The following EVC2 variants were observed in gnomAD, a reference collection of about 807,000 sequenced individuals.
EVC2 encodes the protein EvC ciliary complex subunit 2.
In EVC2, 148 loss-of-function variants were observed where a neutral mutation model predicts 149.3. The observed-to-expected ratio is 0.99, with a 90% confidence interval of 0.87 to 1.14. The LOEUF is 1.14. EVC2 is among the 50% of genes most tolerant of loss of function. EVC2 has a pLI of 0.00. For synonymous variants in EVC2, 776 were observed against 649.9 expected (o/e 1.19, Z -2.95); for missense variants, 1,854 against 1,627.3 (o/e 1.14, Z -2.40).
At chr4:5,560,277 T>C (rs576468070), downstream of EVC2, among the ~76,000 whole-genome samples, 13 of 152,128 alleles carry the variant, frequency 8.5e-5, no homozygotes, top group African/African-American at 2.7e-4. The surrounding 1 kb of genome is among the most constrained non-coding windows in gnomAD (Gnocchi z 4.1). Flanking sequence ...GCAAAAGGAA[T>C]GAAAGAACAC....
intron 13 of EVC2, among the ~76,000 whole-genome samples, chr4:5,623,365 G>A (rs1715872193): frequency 6.7e-6 from 1 of 148,208 alleles, no homozygotes; most frequent in African/African-American, 2.5e-5. Flanking sequence ...TTTGAGACAG[G>A]GTCTCCTTCT....
intron 7 of EVC2, among the ~76,000 whole-genome samples, chr4:5,674,038 G>A (rs912998876): frequency 7.2e-6 from 1 of 139,286 alleles, no homozygotes; most frequent in Non-Finnish European, 1.5e-5. Context: ...GAGATGAGAC[G>A]AATGTTTCCT....
At chr4:5,610,110 A>T (rs1714699456) in intron 16 of EVC2, among the ~76,000 whole-genome samples, 1 of 152,180 alleles carries the variant, frequency 6.6e-6, no homozygotes. Flanking sequence ...CTTCTGTTAC[A>T]GGCTGTGTGA....
chr4:5,598,656 T>A (rs1048925536), intron 16 of EVC2, among the ~76,000 whole-genome samples: 181 of 152,254 alleles, frequency 1.2e-3, no homozygotes, highest in Admixed American at 1.9e-3. Flanking sequence ...GACATAGGCA[T>A]GGGCAAGGAC....
Position 5,567,239 on chromosome 4 carries a change from C to T in EVC2, c.3557+1205G>A, listed in dbSNP as rs1722340909. 1.3e-5 allele frequency among the ~76,000 whole-genome samples: 2 copies of T among 152,144 alleles called. No individual in the cohort carries two copies. The highest frequency in any genetic ancestry group is 2.1e-4 in the South Asian group (1 of 4,828). On this transcript the variant is annotated intron_variant, in intron 20 of 21. Transcript: ENST00000344408. The surrounding 1 kb of genome is among the most constrained non-coding windows in gnomAD (Gnocchi z 4.4). ...CCCCAAGGCCACTAGGAAGGCTCTTCGACACTGTGGCCTCCTGCCCACACC... is the reference window on the plus strand; with the variant it reads ...CCCCAAGGCCACTAGGAAGGCTCTTTGACACTGTGGCCTCCTGCCCACACC...
intron 16 of EVC2, among the ~76,000 whole-genome samples, chr4:5,611,326 C>G (rs192610282): frequency 2.0e-5 from 3 of 152,080 alleles, no homozygotes; most frequent in Non-Finnish European, 2.9e-5. Flanking sequence ...GAGATTCACG[C>G]TCATGAAGAG....
intron 7 of EVC2, among the ~76,000 whole-genome samples, chr4:5,678,778 C>T (rs1189101008): frequency 6.6e-6 from 1 of 152,134 alleles, no homozygotes; most frequent in Non-Finnish European, 1.5e-5. Context: ...AGCCTGTAAT[C>T]CCAGCACTTT....
chr4:5,544,726 G>T (rs780205721), intron 21 of EVC2, among the ~76,000 whole-genome samples: 1 of 152,202 alleles, frequency 6.6e-6, no homozygotes. Flanking sequence ...AAGAGAGGGG[G>T]TGAGGAGTTA....
chr4:5,674,849 T>C (rs1042936926), intron 7 of EVC2, among the ~76,000 whole-genome samples: 8 of 152,064 alleles, frequency 5.3e-5, no homozygotes, highest in Non-Finnish European at 1.2e-4. Flanking sequence ...GGAGTAAAAC[T>C]GGAGGCAGAA....
intron 9 of EVC2, among the ~76,000 whole-genome samples, chr4:5,643,814 G>A (rs1194318001): frequency 2.6e-5 from 4 of 152,196 alleles, no homozygotes; most frequent in South Asian, 2.1e-4. Flanking sequence ...CCAGCTACTC[G>A]GGTGGCTGAG....
the EVC2 span, among the ~76,000 whole-genome samples, chr4:5,532,514 G>A: frequency 1.3e-5 from 2 of 152,176 alleles, no homozygotes; most frequent in South Asian, 4.1e-4. Flanking sequence ...GGCCCTTGCA[G>A]TATGACTGAG....
chr4:5,584,762 T>C lies in EVC2; in HGVS notation c.2918A>G (p.Gln973Arg). Residue 973 changes from glutamine to arginine, a missense_variant, in exon 17 of 22, where the codon CAG becomes CGG. By Grantham distance (43) the Gln-to-Arg change is conservative. Transcript: ENST00000344408. ...AGTCTCGGTCACCCGGGACGCCTTCTGGAACTGCAGAGCAACAAGCGACTG... is the reference window on the plus strand; with the variant it reads ...AGTCTCGGTCACCCGGGACGCCTTCCGGAACTGCAGAGCAACAAGCGACTG... ...FAQSLVALQF[Q>R]KASRVTETLS... The C allele has an allele frequency of 3.1e-6, 5 of 1,614,196 alleles. No homozygotes were observed. Among genetic ancestry groups the C allele is most frequent in the Non-Finnish European group, 4.2e-6 (5 of 1,180,038 alleles).
intron 17 of EVC2, among the ~76,000 whole-genome samples, chr4:5,581,897 C>T (rs1226983920): frequency 6.6e-6 from 1 of 152,226 alleles, no homozygotes; most frequent in Non-Finnish European, 1.5e-5. Context: ...GCAGCTTGGA[C>T]CACTGCTCAG....
At position 5,696,654 on chromosome 4, in the gene EVC2, G is replaced by A. The variant is rs1286176963; in HGVS notation, c.283+939C>T. On this transcript the variant is annotated intron_variant, in intron 2 of 21. Transcript: ENST00000344408. The surrounding 1 kb of genome is among the most constrained non-coding windows in gnomAD (Gnocchi z 4.1). The stretch of plus-strand genomic sequence containing the variant: ...AAAGATGCTCACCAGAGGAAAGCAG[G>A]GCGGCTGAGAGGGAAGGAGAAAGGC... Among the ~76,000 whole-genome samples, 1 of 152,200 alleles carries A rather than the reference G, an allele frequency of 6.6e-6. No homozygotes were observed. Among genetic ancestry groups the A allele is most frequent in the Non-Finnish European group, 1.5e-5 (1 of 68,040 alleles).
chr4:5,681,154 G>A (rs1272860532), intron 7 of EVC2, 106 bp downstream of exon 7: 2 of 1,302,448 alleles, frequency 1.5e-6, no homozygotes, highest in Non-Finnish European at 2.2e-6. Context: ...GCATAACTGG[G>A]GGACCAAGGC....
chr4:5,576,596 T>G lies in EVC2; in HGVS notation c.3058-142A>C. The stretch of plus-strand genomic sequence containing the variant: ...TTCCCCATCCAGCTGTGCCACATGG[T>G]GCAATGTGAGTGCACCACGATCTCT... On this transcript the variant is annotated intron_variant, in intron 17 of 21. Coordinates refer to ENST00000344408, the MANE Select transcript of EVC2 (RefSeq NM_147127.5). This position sits in a 1 kb window ranked among gnomAD's most constrained non-coding sequence, Gnocchi z 4.5. 1 of 1,467,134 alleles carries G rather than the reference T, an allele frequency of 6.8e-7. No homozygotes were observed. Among genetic ancestry groups the G allele is most frequent in the Non-Finnish European group, 9.2e-7 (1 of 1,088,742 alleles). The allele number at this position is 1,467,134 out of a possible 1,614,324, so 90.9% of individuals were successfully genotyped here.
chr4:5,567,393 C>T lies in EVC2; in HGVS notation c.3557+1051G>A, dbSNP rs1722351006. 6.6e-6 allele frequency among the ~76,000 whole-genome samples: 1 copy of T among 151,712 alleles called. No homozygotes were observed. Among genetic ancestry groups the T allele is most frequent in the South Asian group, 2.1e-4 (1 of 4,780 alleles). On this transcript the variant is annotated intron_variant, in intron 20 of 21. Transcript: ENST00000344408. The surrounding 1 kb of genome is among the most constrained non-coding windows in gnomAD (Gnocchi z 4.4). ...TATCTCTGATAAGGAAAACATTACC[C>T]CTTTTCTCAGGACAAATGCTATCTA...
downstream of EVC2, among the ~76,000 whole-genome samples, chr4:5,558,491 A>G (rs1408312681): frequency 6.6e-6 from 1 of 152,228 alleles, no homozygotes; most frequent in Non-Finnish European, 1.5e-5. Flanking sequence ...GTATCATTTT[A>G]TACAAATTTG....
chr4:5,592,879 G>C (rs1263001968), intron 16 of EVC2, among the ~76,000 whole-genome samples: 1 of 152,128 alleles, frequency 6.6e-6, no homozygotes, highest in Non-Finnish European at 1.5e-5. Flanking sequence ...GTTTGGCTGT[G>C]TCCCCACCCA....
Sources: allele counts gnomAD v4.1 joint callset (sites outside exome capture counted in the v4.1 genomes callset), GRCh38; gene constraint gnomAD v4.1.1; non-coding constraint Gnocchi (gnomAD v3.1); transcripts MANE v1.5; gene names NCBI Gene and HGNC (gene_info 2026-07-23, HGNC 2026-07-21).